The following CSGALNACT1 variants were observed in gnomAD, a reference collection of about 807,000 sequenced individuals.
CSGALNACT1 encodes the protein beta4GalNAcT-1.
Under a neutral mutation model 51.0 loss-of-function variants are expected in CSGALNACT1, and 52 were observed. The ratio of observed to expected loss-of-function variants is 1.02; its 90% CI spans 0.82 to 1.29. The LOEUF (loss-of-function observed/expected upper bound fraction) is 1.29. Ranked by LOEUF, CSGALNACT1 falls within the 50% of genes most tolerant of loss-of-function variation. The probability of loss-of-function intolerance (pLI) is 0.00; values close to 1 mark genes in which losing one functional copy is unlikely to be tolerated. For synonymous variants in CSGALNACT1, 341 were observed against 254.4 expected (o/e 1.34, Z -3.24); for missense variants, 935 against 679.2 (o/e 1.38, Z -4.19).
chr8:19,510,322 A>C (rs895146457), intron 3 of CSGALNACT1, among the ~76,000 whole-genome samples: 1 of 152,180 alleles, frequency 6.6e-6, no homozygotes, highest in Admixed American at 6.5e-5. Context: ...CTGTGAAAGC[A>C]AAACACTCCT....
intron 1 of CSGALNACT1, among the ~76,000 whole-genome samples, chr8:19,657,475 A>G (rs911309273): frequency 4.6e-5 from 7 of 152,240 alleles, no homozygotes; most frequent in Non-Finnish European, 2.9e-5. Flanking sequence ...CAAACTCACC[A>G]TACCTAATAT....
intron 1 of CSGALNACT1, among the ~76,000 whole-genome samples, chr8:19,635,911 G>A (rs1188384436): frequency 6.6e-6 from 1 of 152,086 alleles, no homozygotes; most frequent in African/African-American, 2.4e-5. Context: ...TGTAGTTTTA[G>A]TAGAGACAGG....
intron 8 of CSGALNACT1, among the ~76,000 whole-genome samples, chr8:19,410,248 G>A (rs1731935245): frequency 2.0e-5 from 3 of 152,140 alleles, no homozygotes; most frequent in South Asian, 2.1e-4. Context: ...TTCAGAGTAC[G>A]GGACCGTTAT....
At chr8:19,491,509 T>C (rs972957360) in intron 4 of CSGALNACT1, among the ~76,000 whole-genome samples, 2 of 152,240 alleles carry the variant, frequency 1.3e-5, no homozygotes, top group Non-Finnish European at 2.9e-5. Context: ...CTCCTAACAA[T>C]ATGTGTCATC....
chr8:19,636,102 T>A, intron 1 of CSGALNACT1, among the ~76,000 whole-genome samples: 1 of 152,216 alleles, frequency 6.6e-6, no homozygotes, highest in East Asian at 1.9e-4. Context: ...TAGTCCCGCT[T>A]ATCAGCGGTT....
At chr8:19,404,347 CAA>C (rs1023489580) in exon 10 of CSGALNACT1, 26 of 453,656 alleles carry the variant, frequency 5.7e-5, no homozygotes, top group African/African-American at 4.0e-4. Context: ...AGCAAGGACT[CAA>C]AGAGATAATT....
intron 3 of CSGALNACT1, among the ~76,000 whole-genome samples, chr8:19,549,384 C>T (rs1173607786): frequency 6.6e-6 from 1 of 152,096 alleles, no homozygotes; most frequent in African/African-American, 2.4e-5. Context: ...ATAACTGCTT[C>T]AATTTTTCAT....
Position 19,523,046 on chromosome 8 carries a change from G to A in CSGALNACT1, c.-296-16916C>T, listed in dbSNP as rs548016419. On this transcript the variant is annotated intron_variant, in intron 3 of 9. Transcript: ENST00000454498. Reference sequence around the variant, plus strand: ...GAATATGATCCTTTTGAATACACTCGTGTGAAGCTGCAACAATTGCGGACA... The same window carrying A: ...GAATATGATCCTTTTGAATACACTCATGTGAAGCTGCAACAATTGCGGACA... Among the ~76,000 whole-genome samples the A allele has an allele frequency of 7.9e-5, 12 of 152,218 alleles. No individual in the cohort carries two copies. The South Asian group carries it at 1.9e-3, about 24-fold the overall frequency.
intron 1 of CSGALNACT1, among the ~76,000 whole-genome samples, chr8:19,729,393 G>A (rs994730749): frequency 6.6e-5 from 10 of 152,186 alleles, no homozygotes; most frequent in African/African-American, 2.4e-4. Flanking sequence ...TCTAAGGGTA[G>A]AATTTAAGAC....
intron 1 of CSGALNACT1, among the ~76,000 whole-genome samples, chr8:19,669,952 T>G (rs985063265): frequency 6.6e-6 from 1 of 152,086 alleles, no homozygotes; most frequent in Non-Finnish European, 1.5e-5. Context: ...CAACTCACTC[T>G]CCCCTCAAAA....
In CSGALNACT1 at chr8:19,528,846, T is replaced by A. The variant is rs117963256; in HGVS notation, c.-296-22716A>T. ...AACTCAGATGTAGAAAATAAAGATA[T>A]CAAACCCCTAGATACCCCAAACGCT... On this transcript the variant is annotated intron_variant, in intron 3 of 9. Transcript: ENST00000454498. Among the ~76,000 whole-genome samples, 889 of 152,188 alleles carry A rather than the reference T, an allele frequency of 5.8e-3. 10 individuals are homozygous for A. Among genetic ancestry groups the A allele is most frequent in the Non-Finnish European group, 9.9e-3 (673 of 68,018 alleles).
chr8:19,716,965 C>T (rs934031571), intron 1 of CSGALNACT1, among the ~76,000 whole-genome samples: 17 of 152,276 alleles, frequency 1.1e-4, no homozygotes, highest in Admixed American at 3.9e-4. Flanking sequence ...AGCCACAGCT[C>T]CCCACTCAGT....
At chr8:19,517,473 C>T (rs994488246) in intron 3 of CSGALNACT1, among the ~76,000 whole-genome samples, 6 of 152,054 alleles carry the variant, frequency 3.9e-5, no homozygotes, top group Non-Finnish European at 5.9e-5. Flanking sequence ...GAGAATATCT[C>T]TAGAAGGGTT....
intron 5 of CSGALNACT1, among the ~76,000 whole-genome samples, chr8:19,447,222 C>T (rs2062292481): frequency 6.6e-6 from 1 of 152,170 alleles, no homozygotes; most frequent in African/African-American, 2.4e-5. Flanking sequence ...CCCCAGGTCA[C>T]CTGAGCCACA....
chr8:19,627,989 C>T (rs754318107), intron 1 of CSGALNACT1, among the ~76,000 whole-genome samples: 17 of 152,108 alleles, frequency 1.1e-4, no homozygotes, highest in Non-Finnish European at 1.8e-4. Context: ...CCTGGGAACT[C>T]TCTGTACTAT....
intron 1 of CSGALNACT1, among the ~76,000 whole-genome samples, chr8:19,754,003 T>C (rs2065203154): frequency 6.6e-6 from 1 of 151,838 alleles, no homozygotes; most frequent in Non-Finnish European, 1.5e-5. Context: ...TGGAATGTGA[T>C]AAAACACTTT....
intron 1 of CSGALNACT1, among the ~76,000 whole-genome samples, chr8:19,695,273 G>A (rs964504299): frequency 2.6e-4 from 40 of 152,126 alleles, no homozygotes; most frequent in Admixed American, 2.6e-4. Flanking sequence ...AAAATAAAAC[G>A]TGGACGTTTC....
chr8:19,512,885 A>T (rs1018894236), intron 3 of CSGALNACT1, among the ~76,000 whole-genome samples: 1 of 152,238 alleles, frequency 6.6e-6, no homozygotes, highest in African/African-American at 2.4e-5. Context: ...ACCAGAGTCA[A>T]CAATGGTGTG....
At chr8:19,415,466 T>A (rs200196402) in intron 8 of CSGALNACT1, among the ~76,000 whole-genome samples, 1 of 152,186 alleles carries the variant, frequency 6.6e-6, no homozygotes, top group East Asian at 1.9e-4. Flanking sequence ...GAAGTAAATG[T>A]CAGAGGCTGC....
Sources: allele counts gnomAD v4.1 joint callset (sites outside exome capture counted in the v4.1 genomes callset), GRCh38; gene constraint gnomAD v4.1.1; transcripts MANE v1.5; gene names NCBI Gene and HGNC (gene_info 2026-07-23, HGNC 2026-07-21).